The following PLCB4 variants were observed in gnomAD, a reference collection of about 807,000 sequenced individuals.
The protein encoded by PLCB4 is phospholipase C beta 4.
A neutral mutation model predicts 178.8 loss-of-function variants in PLCB4; 77 were observed. That is an observed-to-expected ratio of 0.43 (90% CI 0.36 to 0.52). The LOEUF (loss-of-function observed/expected upper bound fraction) is 0.52. Among genes scored for constraint, PLCB4 ranks in the 20% least tolerant of loss-of-function variants. The pLI, the probability that PLCB4 is intolerant of heterozygous loss-of-function variation, is 0.00. For missense variants in PLCB4, 1,024 were observed against 1,453.4 expected (o/e 0.70, Z 4.80); for synonymous variants, 496 against 490.8 (o/e 1.01, Z -0.14).
chr20:9,424,266 A>G (rs2040843766), intron 28 of PLCB4, among the ~76,000 whole-genome samples: 2 of 152,340 alleles, frequency 1.3e-5, no homozygotes, highest in South Asian at 4.1e-4. Context: ...GACTAGGGAA[A>G]AAAACATAAA....
intron 2 of PLCB4, among the ~76,000 whole-genome samples, chr20:9,137,912 G>C: frequency 6.6e-6 from 1 of 151,970 alleles, no homozygotes. Flanking sequence ...TTTGATCATT[G>C]CTTTCAAGGA....
rs2039652061 is a variant in PLCB4 at position 9,408,814 on chromosome 20, G to A, written c.1874+97G>A. 6 of 735,296 alleles carry A rather than the reference G, an allele frequency of 8.2e-6. No individual in the cohort carries two copies. In the Admixed American group the frequency reaches 1.1e-4, roughly 13 times the overall value. 45.5% of individuals were successfully genotyped at this position (735,296 alleles called of 1,614,324 possible). The stretch of plus-strand genomic sequence containing the variant: ...ATGGCTAATATCTCATTCTGGTGGT[G>A]GAGTTCATAAAATGATATGTGGGAA... On this transcript the variant is annotated intron_variant, in intron 23 of 39. Coordinates refer to ENST00000378473, the MANE Select transcript of PLCB4 (RefSeq NM_001377142.1).
At chr20:9,147,002 T>C (rs1055839027) in intron 2 of PLCB4, among the ~76,000 whole-genome samples, 3 of 152,162 alleles carry the variant, frequency 2.0e-5, no homozygotes, top group Non-Finnish European at 2.9e-5. Flanking sequence ...AGTCCTCCTC[T>C]TAAGGTGTTT....
chr20:9,413,290 G>A (rs3787309), intron 25 of PLCB4, among the ~76,000 whole-genome samples: 1 of 151,974 alleles, frequency 6.6e-6, no homozygotes, highest in Non-Finnish European at 1.5e-5. Context: ...CAGCCTGGCC[G>A]GATGCAGGGA....
At chr20:9,397,108 C>T (rs1428656890) in intron 19 of PLCB4, among the ~76,000 whole-genome samples, 1 of 152,184 alleles carries the variant, frequency 6.6e-6, no homozygotes, top group Non-Finnish European at 1.5e-5. Flanking sequence ...CTCTCAAACC[C>T]TGCTGTGATG....
At chr20:9,320,565 C>A (rs1215878851) in intron 4 of PLCB4, among the ~76,000 whole-genome samples, 1 of 152,150 alleles carries the variant, frequency 6.6e-6, no homozygotes, top group Non-Finnish European at 1.5e-5. Context: ...TTTACCCAGC[C>A]CTGTTCAAGA....
At chr20:9,365,629 G>A in intron 9 of PLCB4, 115 bp downstream of exon 9, 1 of 557,664 alleles carries the variant, frequency 1.8e-6, no homozygotes, top group East Asian at 3.0e-5. Flanking sequence ...GATATTTCTG[G>A]AATCTTAGTT....
At chr20:9,115,653 C>T (rs944773964) in intron 2 of PLCB4, among the ~76,000 whole-genome samples, 36 of 142,732 alleles carry the variant, frequency 2.5e-4, no homozygotes, top group African/African-American at 9.4e-4. Flanking sequence ...TGTTCAATTC[C>T]CTCCTATGAG....
At chr20:9,215,060 G>T (rs1336441043) in intron 2 of PLCB4, among the ~76,000 whole-genome samples, 1 of 152,066 alleles carries the variant, frequency 6.6e-6, no homozygotes, top group Non-Finnish European at 1.5e-5. Flanking sequence ...GAGCTTTTTG[G>T]GAACTCGGCC....
At chr20:9,295,326 T>C (rs1488286924) in intron 3 of PLCB4, among the ~76,000 whole-genome samples, 1 of 152,176 alleles carries the variant, frequency 6.6e-6, no homozygotes, top group Non-Finnish European at 1.5e-5. Flanking sequence ...CCACCATGTA[T>C]TCTGTTAGTT....
intron 19 of PLCB4, among the ~76,000 whole-genome samples, chr20:9,398,612 A>G (rs1602376859): frequency 6.6e-6 from 1 of 152,220 alleles, no homozygotes; most frequent in African/African-American, 2.4e-5. Context: ...AATAATTACT[A>G]CCATCGTTGT....
At chr20:9,336,361 A>T (rs750837702) in intron 4 of PLCB4, among the ~76,000 whole-genome samples, 3 of 152,186 alleles carry the variant, frequency 2.0e-5, no homozygotes, top group Non-Finnish European at 4.4e-5. Context: ...TGTAACACAG[A>T]TGCTCTGATG....
intron 3 of PLCB4, among the ~76,000 whole-genome samples, chr20:9,269,021 C>T (rs1399575976): frequency 6.6e-6 from 1 of 152,158 alleles, no homozygotes; most frequent in Non-Finnish European, 1.5e-5. Flanking sequence ...CTGTCATATC[C>T]TCCTTAAAGG....
chr20:9,193,454 C>T (rs977237418), intron 2 of PLCB4, among the ~76,000 whole-genome samples: 1 of 152,172 alleles, frequency 6.6e-6, no homozygotes, highest in Non-Finnish European at 1.5e-5. Flanking sequence ...CAGCCTGCCC[C>T]CTGTGTCAGA....
Position 9,322,117 on chromosome 20 carries a change from A to ATT in PLCB4, c.84+14240_84+14241dup, listed in dbSNP as rs749496709. Among the ~76,000 whole-genome samples the ATT allele has an allele frequency of 0.011, 1,254 of 116,580 alleles. 125 individuals carry two copies. The East Asian group carries it at 0.2, about 18-fold the overall frequency. 76.5% of individuals were successfully genotyped at this position (116,580 alleles called of 152,430 possible). Reference sequence around the variant, plus strand: ...CAGGCAGAGCCACCACACCCAGGTAATTTTTTTTTTTTTTTTTTTTTTGTA... The same window carrying ATT: ...CAGGCAGAGCCACCACACCCAGGTAATTTTTTTTTTTTTTTTTTTTTTTTGTA... On this transcript the variant is annotated intron_variant, in intron 4 of 39. Coordinates refer to ENST00000378473, the MANE Select transcript of PLCB4 (RefSeq NM_001377142.1).
At chr20:9,104,905 G>T (rs1228783816) in intron 2 of PLCB4, among the ~76,000 whole-genome samples, 3 of 151,832 alleles carry the variant, frequency 2.0e-5, no homozygotes, top group Non-Finnish European at 4.4e-5. Flanking sequence ...CCCAATTTCT[G>T]TCTTGTACAA....
chr20:9,127,550 A>G (rs1192511376), intron 2 of PLCB4, among the ~76,000 whole-genome samples: 3 of 151,972 alleles, frequency 2.0e-5, no homozygotes, highest in Admixed American at 1.3e-4. Context: ...AAGATCTTTG[A>G]GGTAGGTCTT....
chr20:9,423,712 T>A, intron 27 of PLCB4, 36 bp from the exon 28 acceptor site: 1 of 1,551,314 alleles, frequency 6.4e-7, no homozygotes, highest in Non-Finnish European at 8.9e-7. Context: ...GGGCGCTGCA[T>A]TGGAAAAATC....
rs148018409 is a variant in PLCB4 at position 9,449,105 on chromosome 20, T to A, written c.2881-4242T>A. On this transcript the variant is annotated intron_variant, in intron 32 of 39. Coordinates refer to ENST00000378473, the MANE Select transcript of PLCB4 (RefSeq NM_001377142.1). ...CTCATACTTTCTAGAACCACTTCAA[T>A]TCGAAATGGAAACTAGGGTAATGGT... Among the ~76,000 whole-genome samples the A allele has an allele frequency of 4.1e-4, 63 of 152,254 alleles. 1 individual carries two copies. The East Asian group carries it at 0.012, about 29-fold the overall frequency.
Sources: gnomAD v4.1 joint callset for allele counts (sites outside exome capture counted in the v4.1 genomes callset) on GRCh38, gnomAD v4.1.1 for gene constraint, MANE v1.5 for transcripts, NCBI Gene and HGNC (gene_info 2026-07-23, HGNC 2026-07-21) for gene names.